KIF6: variants seen among roughly 807,000 people sequenced by gnomAD.
KIF6 encodes the protein kinesin-like protein KIF6.
Under a neutral mutation model 112.7 loss-of-function variants are expected in KIF6, and 106 were observed. That is an observed-to-expected ratio of 0.94 (90% CI 0.80 to 1.11). The LOEUF is 1.11. Ranked by LOEUF, KIF6 falls within the 50% of genes least tolerant of loss-of-function variation. KIF6 has a pLI of 0.00. For missense variants in KIF6, 929 were observed against 964.0 expected (o/e 0.96, Z 0.48); for synonymous variants, 339 against 339.9 (o/e 1.00, Z 0.03).
At chr6:39,500,845 T>C (rs559755909) in intron 13 of KIF6, among the ~76,000 whole-genome samples, 1 of 151,624 alleles carries the variant, frequency 6.6e-6, no homozygotes, top group East Asian at 1.9e-4. Context: ...GAAGCTCTCT[T>C]AGAAGCAGAG....
At chr6:39,351,014 C>T (rs571969459) in intron 19 of KIF6, among the ~76,000 whole-genome samples, 167 of 152,204 alleles carry the variant, frequency 1.1e-3, no homozygotes, top group African/African-American at 3.9e-3. Context: ...GGCTGAACAG[C>T]GCTCTAGGGC....
intron 13 of KIF6, among the ~76,000 whole-genome samples, chr6:39,444,264 G>T (rs1209383580): frequency 6.6e-6 from 1 of 151,900 alleles, no homozygotes; most frequent in East Asian, 1.9e-4. Context: ...TTTGGAAATG[G>T]AACCTTTATT....
intron 3 of KIF6, among the ~76,000 whole-genome samples, chr6:39,656,754 A>G (rs976088443): frequency 6.6e-6 from 1 of 152,168 alleles, no homozygotes; most frequent in Non-Finnish European, 1.5e-5. Flanking sequence ...ATTCATTTGC[A>G]TGGAGAACTC....
intron 13 of KIF6, among the ~76,000 whole-genome samples, chr6:39,537,928 T>G (rs1009499695): frequency 7.2e-5 from 11 of 152,104 alleles, no homozygotes; most frequent in African/African-American, 2.7e-4. Context: ...CTACAACTAT[T>G]TGATCTTTGA....
At chr6:39,532,060 C>T (rs975425008) in intron 13 of KIF6, among the ~76,000 whole-genome samples, 7 of 152,186 alleles carry the variant, frequency 4.6e-5, no homozygotes, top group South Asian at 4.1e-4. Context: ...CCTTCACCCC[C>T]GCTTTTGGGA....
intron 10 of KIF6, among the ~76,000 whole-genome samples, chr6:39,576,018 T>C (rs7746567): frequency 0.19 from 28,378 of 152,182 alleles, 2,962 homozygotes; most frequent in Admixed American, 0.27. Context: ...AGAGGGAACC[T>C]GCAGCACACT....
intron 3 of KIF6, among the ~76,000 whole-genome samples, chr6:39,695,111 A>C (rs1193024849): frequency 1.3e-5 from 2 of 152,110 alleles, no homozygotes; most frequent in East Asian, 3.8e-4. Flanking sequence ...AAACTGGCTA[A>C]CCATATGAAA....
intron 10 of KIF6, among the ~76,000 whole-genome samples, chr6:39,565,699 C>A (rs184767204): frequency 6.6e-6 from 1 of 152,192 alleles, no homozygotes. Flanking sequence ...AAATCCTTCT[C>A]AGTATCAACA....
chr6:39,589,132 C>T (rs1410550133), intron 7 of KIF6, among the ~76,000 whole-genome samples: 2 of 152,284 alleles, frequency 1.3e-5, no homozygotes, highest in African/African-American at 4.8e-5. Context: ...AGCTTATCCC[C>T]ACATCAGAGC....
chr6:39,382,439 G>A (rs981756926), intron 16 of KIF6, among the ~76,000 whole-genome samples: 3 of 152,014 alleles, frequency 2.0e-5, no homozygotes, highest in South Asian at 2.1e-4. Flanking sequence ...CTGTTCCTGC[G>A]TTAATTCATT....
chr6:39,626,667 T>C (rs1435254743), intron 5 of KIF6, among the ~76,000 whole-genome samples: 1 of 152,126 alleles, frequency 6.6e-6, no homozygotes, highest in East Asian at 1.9e-4. Context: ...TTCACTATCC[T>C]CTTTGGAGAG....
intron 10 of KIF6, among the ~76,000 whole-genome samples, chr6:39,566,335 T>C (rs1312129311): frequency 2.6e-5 from 4 of 152,224 alleles, no homozygotes; most frequent in Non-Finnish European, 5.9e-5. Context: ...TAAAATGTAA[T>C]GTTTATGCAT....
At chr6:39,701,390 T>A (rs574709051) in intron 3 of KIF6, among the ~76,000 whole-genome samples, 2 of 152,342 alleles carry the variant, frequency 1.3e-5, no homozygotes, top group South Asian at 4.1e-4. Flanking sequence ...CCCCATGGTA[T>A]CCTGGACTGC....
intron 13 of KIF6, among the ~76,000 whole-genome samples, chr6:39,453,668 T>A (rs1772846388): frequency 6.6e-6 from 1 of 152,216 alleles, no homozygotes; most frequent in African/African-American, 2.4e-5. Flanking sequence ...ATTTATCATC[T>A]CTGCTTTCTG....
intron 13 of KIF6, among the ~76,000 whole-genome samples, chr6:39,508,169 G>A (rs1776551293): frequency 6.6e-6 from 1 of 151,856 alleles, no homozygotes; most frequent in Non-Finnish European, 1.5e-5. Flanking sequence ...AGCAATGCAT[G>A]GTCCCAGGTA....
At chr6:39,412,878 G>C (rs966796235) in intron 15 of KIF6, among the ~76,000 whole-genome samples, 1 of 151,968 alleles carries the variant, frequency 6.6e-6, no homozygotes, top group African/African-American at 2.4e-5. Flanking sequence ...TCGTGCTGCT[G>C]TCCCCCATCT....
intron 1 of KIF6, among the ~76,000 whole-genome samples, chr6:39,721,610 C>T (rs1790221408): frequency 6.6e-6 from 1 of 152,012 alleles, no homozygotes; most frequent in Non-Finnish European, 1.5e-5. Context: ...AGATTTGTCC[C>T]AAGACTTGGG....
At chr6:39,557,260 C>T (rs775420924) in intron 10 of KIF6, among the ~76,000 whole-genome samples, 13 of 152,064 alleles carry the variant, frequency 8.5e-5, no homozygotes, top group South Asian at 2.1e-4. Context: ...TAGCTGGAAA[C>T]GTGTTCATGT....
Position 39,360,392 on chromosome 6 carries a change from T to C in KIF6, c.2082+3A>G. ...AGCTTCCCTGATGTTCCCCAGGCCA[T>C]ACCTGCAGGTTGGTGGCCTCCTCTG... On this transcript the variant is annotated splice_donor_region_variant and intron_variant, in intron 18 of 22. Transcript: ENST00000287152. 1.2e-6 allele frequency: 2 copies of C among 1,614,130 alleles called. No individual in the cohort carries two copies. The highest frequency in any genetic ancestry group is 1.7e-6 in the Non-Finnish European group (2 of 1,179,994).
Sources: allele counts gnomAD v4.1 joint callset (sites outside exome capture counted in the v4.1 genomes callset), GRCh38; gene constraint gnomAD v4.1.1; transcripts MANE v1.5; gene names NCBI Gene and HGNC (gene_info 2026-07-23, HGNC 2026-07-21).